The following LIPG variants were observed in gnomAD, a reference collection of about 807,000 sequenced individuals.
LIPG encodes the protein lipase G, endothelial type.
A neutral mutation model predicts 51.8 loss-of-function variants in LIPG; 34 were observed. The observed-to-expected ratio is 0.66, with a 90% CI of 0.50 to 0.87. The LOEUF (loss-of-function observed/expected upper bound fraction) is 0.87, where lower values mean the gene tolerates loss of function less well. Ranked by LOEUF, LIPG falls within the 40% of genes least tolerant of loss-of-function variation. The pLI, the probability that LIPG is intolerant of heterozygous loss-of-function variation, is 0.00. For missense variants in LIPG, 580 were observed against 652.7 expected, an observed-to-expected ratio of 0.89 and a Z score of 1.21; for synonymous variants, 246 against 246.1, an observed-to-expected ratio of 1.00 and a Z score of 0.00.
At chr18:49,569,614 G>T in intron 4 of LIPG, 66 bp downstream of exon 4, 2 of 1,254,558 alleles carry the variant, frequency 1.6e-6, no homozygotes, top group Non-Finnish European at 2.3e-6. Context: ...TCCCAAATGA[G>T]GCAGCAGAGT....
Position 49,596,712 on chromosome 18 carries a change from C to G in LIPG, c.*6190C>G, listed in dbSNP as rs543566025. ...GACAATTACCCTTTTGTCAGCCGTTCCTCTGTTGCTGACCATTAGATCCAC... is the reference window on the plus strand; with the variant it reads ...GACAATTACCCTTTTGTCAGCCGTTGCTCTGTTGCTGACCATTAGATCCAC... On this transcript the variant is annotated 3_prime_UTR_variant, in exon 10 of 10. Transcript: ENST00000261292. The G allele has an allele frequency of 6.6e-6, 1 of 151,270 alleles. No individual in the cohort carries two copies. The highest frequency in any genetic ancestry group is 1.5e-5 in the Non-Finnish European group (1 of 67,978). The allele number at this position is 151,270 out of a possible 1,614,324, so 9.4% of individuals were successfully genotyped here.
intron 5 of LIPG, among the ~76,000 whole-genome samples, chr18:49,577,708 CCTCCCTCCCGGAT>C (rs2084738099): frequency 2.3e-5 from 2 of 88,428 alleles, no homozygotes; most frequent in African/African-American, 1.2e-4. Flanking sequence ...GACCCCCCAA[CCTCCCTCCCGGAT>C]GGCACGGCTG....
intron 5 of LIPG, 107 bp downstream of exon 5, chr18:49,575,697 C>T (rs2084708791): frequency 3.3e-6 from 3 of 902,638 alleles, no homozygotes; most frequent in Non-Finnish European, 5.3e-6. Flanking sequence ...TTATTCTCAC[C>T]TCCCACCACA....
chr18:49,581,880 A>G, intron 6 of LIPG: 2 of 611,078 alleles, frequency 3.3e-6, no homozygotes, highest in South Asian at 4.1e-5. Flanking sequence ...CCATGATCAC[A>G]ATATCAATAT....
At position 49,593,262 on chromosome 18, in the gene LIPG, A is replaced by G. The variant is rs182107537; in HGVS notation, c.*2740A>G. The stretch of plus-strand genomic sequence containing the variant: ...GCCAATTCTTAAAGTTTGAAAGAAT[A>G]TAGCTGCCCCAACCTAGAGTCTGAC... On this transcript the variant is annotated 3_prime_UTR_variant, in exon 10 of 10. Coordinates refer to ENST00000261292, the MANE Select transcript of LIPG (RefSeq NM_006033.4). The G allele has an allele frequency of 2.6e-5, 4 of 152,308 alleles. No individual in the cohort carries two copies. Among genetic ancestry groups the G allele is most frequent in the South Asian group, 2.1e-4 (1 of 4,832 alleles). 9.4% of individuals were successfully genotyped at this position (152,308 alleles called of 1,614,324 possible).
intron 3 of LIPG, among the ~76,000 whole-genome samples, chr18:49,568,405 CAG>C (rs772582215): frequency 6.7e-6 from 1 of 149,628 alleles, no homozygotes; most frequent in Middle Eastern, 3.7e-3. Context: ...TTTTTTGAGA[CAG>C]AGTCTCGCTG....
chr18:49,582,608 G>A (rs1280390819), intron 7 of LIPG, 126 bp downstream of exon 7: 3 of 1,260,868 alleles, frequency 2.4e-6, no homozygotes, highest in Non-Finnish European at 3.4e-6. Flanking sequence ...GCTCAGGGAG[G>A]AGCCAGGTGG....
intron 6 of LIPG, 77 bp from the exon 7 acceptor site, chr18:49,582,285 G>A: frequency 6.3e-7 from 1 of 1,579,394 alleles, no homozygotes; most frequent in Non-Finnish European, 8.7e-7. Flanking sequence ...CTCTGTGCTG[G>A]TGACTCAGTT....
chr18:49,582,168 G>T (rs1486110082), intron 6 of LIPG, among the ~76,000 whole-genome samples, 194 bp from the exon 7 acceptor site: 1 of 152,178 alleles, frequency 6.6e-6, no homozygotes, highest in Non-Finnish European at 1.5e-5. Context: ...TAACTCCCAA[G>T]TGCAGGGCTC....
intron 4 of LIPG, among the ~76,000 whole-genome samples, chr18:49,569,974 G>A (rs1031464237): frequency 3.3e-5 from 5 of 152,198 alleles, no homozygotes; most frequent in African/African-American, 7.2e-5. Flanking sequence ...ACTCAAGAGC[G>A]GAAGCTGGAT....
chr18:49,574,509 T>C (rs1173235803), intron 4 of LIPG, among the ~76,000 whole-genome samples: 1 of 152,214 alleles, frequency 6.6e-6, no homozygotes, highest in Non-Finnish European at 1.5e-5. Context: ...AATCAAAAGA[T>C]GGTGAAAGTC....
At chr18:49,577,910 TA>T (rs2084743427) in intron 5 of LIPG, among the ~76,000 whole-genome samples, 2 of 88,172 alleles carry the variant, frequency 2.3e-5, no homozygotes, top group South Asian at 5.1e-4. Flanking sequence ...CACTTCCCAG[TA>T]GGGGTGGGCG....
intron 7 of LIPG, among the ~76,000 whole-genome samples, 197 bp downstream of exon 7, chr18:49,582,679 C>T (rs535413069): frequency 6.6e-6 from 1 of 152,308 alleles, no homozygotes; most frequent in Admixed American, 6.5e-5. Context: ...CCTGACTCAG[C>T]GTTTCGGGGA....
Position 49,562,221 on chromosome 18 carries a change from C to G in LIPG, c.-88C>G. 6.2e-7 allele frequency: 1 copy of G among 1,606,666 alleles called. No individual in the cohort carries two copies. The highest frequency in any genetic ancestry group is 8.5e-7 in the Non-Finnish European group (1 of 1,178,318). On this transcript the variant is annotated 5_prime_UTR_variant, in exon 1 of 10. Coordinates refer to ENST00000261292, the MANE Select transcript of LIPG (RefSeq NM_006033.4). ...CCCAGCCCCTGGCCGAGAGAAGGGT[C>G]TTACCGGCCGGGATTGCTGGAAACA...
chr18:49,587,675 C>T (rs1269587714), intron 9 of LIPG, among the ~76,000 whole-genome samples: 1 of 150,878 alleles, frequency 6.6e-6, no homozygotes, highest in East Asian at 2.0e-4. Context: ...GTCTCTTCTG[C>T]TCTTTGTCCT....
chr18:49,574,764 A>G (rs1370869975), intron 4 of LIPG, among the ~76,000 whole-genome samples: 1 of 152,132 alleles, frequency 6.6e-6, no homozygotes, highest in African/African-American at 2.4e-5. Flanking sequence ...AAAATAGAGG[A>G]ATTCTGGAGG....
chr18:49,578,001 A>G (rs1338305848), intron 5 of LIPG, among the ~76,000 whole-genome samples: 102 of 117,300 alleles, frequency 8.7e-4, no homozygotes, highest in Middle Eastern at 5.9e-3. Flanking sequence ...CCCGGACGGC[A>G]CGGCTGGCCA....
At chr18:49,579,338 TCTC>T (rs1285164941) in intron 5 of LIPG, among the ~76,000 whole-genome samples, 5 of 151,524 alleles carry the variant, frequency 3.3e-5, no homozygotes, top group African/African-American at 7.3e-5. Flanking sequence ...TTCTTCTTCT[TCTC>T]CTTCTTCCTC....
chr18:49,587,517 T>C lies in LIPG; in HGVS notation c.1481+667T>C, dbSNP rs547912254. On this transcript the variant is annotated intron_variant, in intron 9 of 9. Transcript: ENST00000261292. ...CTGGGAGGAAGAGCTTGCAGTGAGC[T>C]GAGATTGCACCACTGCACTCCAGCC... is the stretch of plus-strand genomic sequence containing the variant. Among the ~76,000 whole-genome samples, 11 of 127,478 alleles carry C rather than the reference T, an allele frequency of 8.6e-5. No homozygotes were observed. In the South Asian group the frequency reaches 2.6e-3, roughly 30 times the overall value. The allele number at this position is 127,478 out of a possible 152,430, so 83.6% of individuals were successfully genotyped here.
Sources: gnomAD v4.1 joint callset for allele counts (sites outside exome capture counted in the v4.1 genomes callset) on GRCh38, gnomAD v4.1.1 for gene constraint, MANE v1.5 for transcripts, NCBI Gene and HGNC (gene_info 2026-07-23, HGNC 2026-07-21) for gene names.